Variants in THSD4 observed in about 807,000 individuals in gnomAD.
THSD4 encodes thrombospondin type 1 domain containing 4.
THSD4 carries 69 observed loss-of-function variants against 119.0 expected under a neutral mutation model. The ratio of observed to expected loss-of-function variants is 0.58; its 90% CI spans 0.48 to 0.71. The LOEUF (loss-of-function observed/expected upper bound fraction) is 0.71. THSD4 is among the 30% of genes least tolerant of loss of function. The probability of loss-of-function intolerance (pLI) is 0.00; values close to 1 mark genes in which losing one functional copy is unlikely to be tolerated. For synonymous variants in THSD4, 524 were observed against 540.4 expected, an observed-to-expected ratio of 0.97 and a Z score of 0.42; for missense variants, 1,393 against 1,391.1, an observed-to-expected ratio of 1.00 and a Z score of -0.02.
intron 6 of THSD4, among the ~76,000 whole-genome samples, chr15:71,335,160 A>G (rs1261334580): frequency 6.6e-6 from 1 of 152,162 alleles, no homozygotes; most frequent in Non-Finnish European, 1.5e-5. Context: ...ATCTTCTGTT[A>G]ATTACATGAG....
At chr15:71,255,300 A>G (rs1346618622) in intron 5 of THSD4, among the ~76,000 whole-genome samples, 1 of 152,222 alleles carries the variant, frequency 6.6e-6, no homozygotes, top group Non-Finnish European at 1.5e-5. Context: ...CAACAAAGCT[A>G]GATCATACTT....
chr15:71,300,576 T>C (rs561532710), intron 6 of THSD4, among the ~76,000 whole-genome samples: 22 of 152,348 alleles, frequency 1.4e-4, no homozygotes, highest in African/African-American at 5.3e-4. Flanking sequence ...TCAGCACATA[T>C]TCTAGGCAGG....
chr15:71,349,512 G>T (rs994709325), intron 6 of THSD4, among the ~76,000 whole-genome samples: 1 of 152,070 alleles, frequency 6.6e-6, no homozygotes, highest in Non-Finnish European at 1.5e-5. Flanking sequence ...TTCTGTCTAC[G>T]TAGCACCTGT....
chr15:71,437,056 C>A (rs2047022600), intron 7 of THSD4, among the ~76,000 whole-genome samples: 1 of 152,172 alleles, frequency 6.6e-6, no homozygotes, highest in African/African-American at 2.4e-5. Flanking sequence ...GTACAGGAAG[C>A]ATGGTGTTGG....
At chr15:71,387,238 A>AG (rs200265676) in intron 6 of THSD4, among the ~76,000 whole-genome samples, 1,787 of 152,024 alleles carry the variant, frequency 0.012, 13 homozygotes, top group Middle Eastern at 0.017. Flanking sequence ...GACTATAGAA[A>AG]GGGATCTTTT....
chr15:71,341,019 T>C (rs1416873586), intron 6 of THSD4: 2 of 663,280 alleles, frequency 3.0e-6, no homozygotes. Flanking sequence ...CCCCATTGTT[T>C]CCCAGTGTCT....
chr15:71,300,091 C>T (rs2044928071), intron 6 of THSD4, among the ~76,000 whole-genome samples: 1 of 150,498 alleles, frequency 6.6e-6, no homozygotes, highest in African/African-American at 2.4e-5. Context: ...TTTGAGACTG[C>T]AGTAAGCTAT....
chr15:71,576,426 T>G (rs528041584), intron 7 of THSD4, among the ~76,000 whole-genome samples: 10 of 152,322 alleles, frequency 6.6e-5, no homozygotes, highest in African/African-American at 2.4e-4. Flanking sequence ...GAATCTACTC[T>G]TTGAGCAAGT....
intron 7 of THSD4, among the ~76,000 whole-genome samples, chr15:71,481,081 G>A (rs1045910296): frequency 6.6e-6 from 1 of 151,988 alleles, no homozygotes; most frequent in Non-Finnish European, 1.5e-5. Flanking sequence ...TTTTGGGGTA[G>A]GGAAAAAGGA....
chr15:71,577,735 T>TTTATTTTATTTTA (rs1567045075), intron 7 of THSD4, among the ~76,000 whole-genome samples: 14 of 150,132 alleles, frequency 9.3e-5, no homozygotes, highest in Admixed American at 1.3e-4. Context: ...TTTATTTTAT[T>TTTATTTTATTTTA]TTTGAGACGG....
At chr15:71,126,297 C>T (rs2040455521) in intron 1 of THSD4, among the ~76,000 whole-genome samples, 1 of 152,142 alleles carries the variant, frequency 6.6e-6, no homozygotes, top group Non-Finnish European at 1.5e-5. Context: ...CCCTCCAAGC[C>T]AGGGACATGT....
rs558281346 is a variant in THSD4 at position 71,731,644 on chromosome 15, A to T, written c.1630+427A>T. ...AAAAAATTACAGAAATTAGCCAGGC[A>T]TGGTGGTGTGTGCCTGCAATCCCAG... On this transcript the variant is annotated intron_variant, in intron 10 of 17. Coordinates refer to ENST00000261862, the MANE Select transcript of THSD4 (RefSeq NM_024817.3). 5 of 190,950 alleles carry T rather than the reference A, an allele frequency of 2.6e-5. No homozygotes were observed. In the East Asian group the frequency reaches 6.0e-4, roughly 23 times the overall value. The allele number at this position is 190,950 out of a possible 1,614,324, so 11.8% of individuals were successfully genotyped here.
intron 7 of THSD4, among the ~76,000 whole-genome samples, chr15:71,498,098 G>T (rs1016400311): frequency 1.3e-5 from 2 of 152,156 alleles, no homozygotes; most frequent in Non-Finnish European, 2.9e-5. Flanking sequence ...ATACTCACTC[G>T]AATTTAATGA....
At chr15:71,385,581 C>T (rs921475606) in intron 6 of THSD4, among the ~76,000 whole-genome samples, 4 of 5,424 alleles carry the variant, frequency 7.4e-4, no homozygotes, top group East Asian at 0.056. Flanking sequence ...GCTTGGAGTT[C>T]GCTAAAGCGA....
rs543702388 is a variant in THSD4 at position 71,416,088 on chromosome 15, C to T, written c.1152+4265C>T. ...CTGGGATTACAGGTGTGAGCCACCT[C>T]GCCTGGCCCGAAGTTTGTCTTTTTG... On this transcript the variant is annotated intron_variant, in intron 7 of 17. Transcript: ENST00000261862. 2.3e-4 allele frequency among the ~76,000 whole-genome samples: 35 copies of T among 152,308 alleles called. 1 individual carries two copies. The highest frequency in any genetic ancestry group is 1.2e-3 in the Admixed American group (19 of 15,296).
At chr15:71,235,178 TG>T (rs1225216152) in intron 4 of THSD4, among the ~76,000 whole-genome samples, 4 of 152,258 alleles carry the variant, frequency 2.6e-5, no homozygotes, top group Non-Finnish European at 5.9e-5. Context: ...GAGGAGTATC[TG>T]TCCACATTTC....
chr15:71,270,602 C>T (rs547001046), intron 6 of THSD4, among the ~76,000 whole-genome samples: 78 of 152,310 alleles, frequency 5.1e-4, no homozygotes, highest in Non-Finnish European at 9.1e-4. Context: ...AACTTGCCCA[C>T]GGTCACCTAG....
At chr15:71,190,998 C>A (rs1405572043) in intron 3 of THSD4, among the ~76,000 whole-genome samples, 1 of 152,162 alleles carries the variant, frequency 6.6e-6, no homozygotes, top group African/African-American at 2.4e-5. Flanking sequence ...ACCAACACAC[C>A]CTAAACAGCA....
At chr15:71,748,700 CTCTGGGGGG>C in intron 14 of THSD4, 106 bp downstream of exon 14, 1 of 1,382,928 alleles carries the variant, frequency 7.2e-7, no homozygotes, top group South Asian at 1.4e-5. Flanking sequence ...TGATTTCTGG[CTCTGGGGGG>C]AAAAAAAAGG....
Sources: gnomAD v4.1 joint callset for allele counts (sites outside exome capture counted in the v4.1 genomes callset) on GRCh38, gnomAD v4.1.1 for gene constraint, MANE v1.5 for transcripts, NCBI Gene and HGNC (gene_info 2026-07-23, HGNC 2026-07-21) for gene names.